SGCD: variants seen among roughly 807,000 people sequenced by gnomAD.
SGCD encodes the protein sarcoglycan delta.
A neutral mutation model predicts 36.6 loss-of-function variants in SGCD; 18 were observed. The observed-to-expected ratio is 0.49, with a 90% confidence interval of 0.34 to 0.73. The LOEUF is 0.73. Among genes scored for constraint, SGCD ranks in the 30% least tolerant of loss-of-function variants. The probability of loss-of-function intolerance (pLI) is 0.01; values close to 1 mark genes in which losing one functional copy is unlikely to be tolerated. For missense variants in SGCD, 387 were observed against 346.7 expected (o/e 1.12, Z -0.92); for synonymous variants, 133 against 130.6 (o/e 1.02, Z -0.12).
intron 3 of SGCD, among the ~76,000 whole-genome samples, chr5:156,311,710 A>G (rs1383435691): frequency 2.6e-5 from 4 of 152,144 alleles, no homozygotes; most frequent in African/African-American, 7.2e-5. Context: ...TTTAAGTTCT[A>G]TACAATGTCA....
intron 1 of SGCD, among the ~76,000 whole-genome samples, chr5:156,051,879 G>T (rs1407011016): frequency 6.9e-6 from 1 of 145,586 alleles, no homozygotes; most frequent in African/African-American, 2.5e-5. Flanking sequence ...GGGAAGGGTT[G>T]TTGTTCTGAG....
At chr5:155,744,053 A>T in the SGCD span, among the ~76,000 whole-genome samples, 16 of 152,344 alleles carry the variant, frequency 1.1e-4, no homozygotes, top group African/African-American at 3.4e-4. Context: ...GATGACAAAA[A>T]TACACATGAA....
intron 3 of SGCD, among the ~76,000 whole-genome samples, chr5:156,287,698 T>C (rs1193217822): frequency 6.6e-6 from 1 of 151,882 alleles, no homozygotes; most frequent in East Asian, 1.9e-4. Context: ...TGCATGTATA[T>C]ATATTCATCG....
At chr5:156,416,255 G>A (rs979998261) in intron 3 of SGCD, among the ~76,000 whole-genome samples, 8 of 152,198 alleles carry the variant, frequency 5.3e-5, no homozygotes, top group African/African-American at 1.9e-4. Context: ...TCTAAGTGAA[G>A]TAACTCAAGA....
chr5:156,323,652 T>A (rs1016042125), upstream of SGCD, among the ~76,000 whole-genome samples: 1 of 152,184 alleles, frequency 6.6e-6, no homozygotes, highest in African/African-American at 2.4e-5. Flanking sequence ...GTATCATAAT[T>A]TTTAACCGAC....
intron 6 of SGCD, among the ~76,000 whole-genome samples, chr5:156,605,289 G>C (rs563515985): frequency 1.7e-4 from 26 of 152,214 alleles, no homozygotes; most frequent in African/African-American, 6.3e-4. Context: ...CTATGAGTGA[G>C]AACATGCAGT....
the SGCD span, among the ~76,000 whole-genome samples, chr5:155,784,474 G>T: frequency 1.3e-5 from 2 of 152,104 alleles, no homozygotes; most frequent in Non-Finnish European, 2.9e-5. Context: ...GATATTTTAA[G>T]CAGGGGAGAG....
chr5:156,702,981 G>T (rs771781914), intron 7 of SGCD, among the ~76,000 whole-genome samples: 4 of 152,208 alleles, frequency 2.6e-5, no homozygotes, highest in Admixed American at 6.5e-5. Context: ...GTCTCCCTAA[G>T]CTCTGGGTTC....
At chr5:156,571,400 CT>C (rs1438691211) in intron 4 of SGCD, among the ~76,000 whole-genome samples, 2 of 151,982 alleles carry the variant, frequency 1.3e-5, no homozygotes, top group Non-Finnish European at 2.9e-5. Flanking sequence ...CTGGCAGTTT[CT>C]TTTTTATTCC....
At chr5:156,404,225 A>G (rs2127764530) in intron 3 of SGCD, among the ~76,000 whole-genome samples, 1 of 152,308 alleles carries the variant, frequency 6.6e-6, no homozygotes, top group Non-Finnish European at 1.5e-5. Context: ...GCTTACCTGT[A>G]TTATGTGTAT....
At chr5:156,520,927 GAAT>G (rs1350460216) in intron 4 of SGCD, among the ~76,000 whole-genome samples, 1 of 146,392 alleles carries the variant, frequency 6.8e-6, no homozygotes, top group Non-Finnish European at 1.5e-5. Flanking sequence ...TGAGGCAGGA[GAAT>G]GGCATGAACC....
chr5:156,122,027 A>G (rs1369590350), intron 2 of SGCD, among the ~76,000 whole-genome samples: 3 of 152,174 alleles, frequency 2.0e-5, no homozygotes, highest in Admixed American at 1.3e-4. Flanking sequence ...CATCTTTTGC[A>G]TCACACTCCA....
At chr5:156,178,583 T>C (rs1763526259) in intron 3 of SGCD, among the ~76,000 whole-genome samples, 1 of 152,206 alleles carries the variant, frequency 6.6e-6, no homozygotes, top group Non-Finnish European at 1.5e-5. Flanking sequence ...TGATAAATCT[T>C]ACCCATTGGG....
At chr5:156,454,262 A>T (rs1037984749) in intron 3 of SGCD, among the ~76,000 whole-genome samples, 2 of 152,160 alleles carry the variant, frequency 1.3e-5, no homozygotes, top group African/African-American at 4.8e-5. Context: ...GTCTGTATAA[A>T]ACCTTGTTAT....
At chr5:156,638,805 A>AT (rs1328224466) in intron 6 of SGCD, among the ~76,000 whole-genome samples, 3 of 152,074 alleles carry the variant, frequency 2.0e-5, no homozygotes, top group Admixed American at 6.5e-5. Flanking sequence ...TTGTCTCTTC[A>AT]TATCTTGCCA....
At chr5:155,799,994 T>G in the SGCD span, among the ~76,000 whole-genome samples, 119 of 151,806 alleles carry the variant, frequency 7.8e-4, no homozygotes, top group Non-Finnish European at 1.6e-3. Context: ...AGTTTTTGTA[T>G]TTTTAGTAGA....
intron 3 of SGCD, among the ~76,000 whole-genome samples, chr5:156,212,402 AAGGTC>A: frequency 6.6e-6 from 1 of 152,310 alleles, no homozygotes; most frequent in Non-Finnish European, 1.5e-5. Context: ...AGAGAAAAAG[AAGGTC>A]ATTATATAGT....
chr5:156,074,114 T>C (rs1460946314), intron 1 of SGCD, among the ~76,000 whole-genome samples: 1 of 152,250 alleles, frequency 6.6e-6, no homozygotes, highest in African/African-American at 2.4e-5. Flanking sequence ...TCAAATTGTC[T>C]GGTTTATATA....
At chr5:156,425,377 G>T (rs916668397) in intron 3 of SGCD, among the ~76,000 whole-genome samples, 3 of 151,916 alleles carry the variant, frequency 2.0e-5, no homozygotes, top group Non-Finnish European at 4.4e-5. Flanking sequence ...CTCATTATTA[G>T]CAATTAAACA....
Sources: gnomAD v4.1 joint callset for allele counts (sites outside exome capture counted in the v4.1 genomes callset) on GRCh38, gnomAD v4.1.1 for gene constraint, MANE v1.5 for transcripts, NCBI Gene and HGNC (gene_info 2026-07-23, HGNC 2026-07-21) for gene names.